PLCB4: variants seen among roughly 807,000 people sequenced by gnomAD.
PLCB4 encodes 1-phosphatidylinositol 4,5-bisphosphate phosphodiesterase beta-4.
A neutral mutation model predicts 178.8 loss-of-function variants in PLCB4; 77 were observed. That is an observed-to-expected ratio of 0.43 (90% CI 0.36 to 0.52). The LOEUF is 0.52. PLCB4 is among the 20% of genes least tolerant of loss of function. The probability of loss-of-function intolerance (pLI) is 0.00; values close to 1 mark genes in which losing one functional copy is unlikely to be tolerated. For synonymous variants in PLCB4, 496 were observed against 490.8 expected (o/e 1.01, Z -0.14); for missense variants, 1,024 against 1,453.4 (o/e 0.70, Z 4.80).
At chr20:9,372,184 A>C (rs2036305903) in intron 10 of PLCB4, 119 bp from the exon 11 acceptor site, 5 of 615,864 alleles carry the variant, frequency 8.1e-6, no homozygotes, top group Non-Finnish European at 1.2e-5. Context: ...TGTCAGCAGG[A>C]ATCAGAGATG....
intron 7 of PLCB4, among the ~76,000 whole-genome samples, chr20:9,354,155 G>A (rs2148179072): frequency 6.6e-6 from 1 of 152,236 alleles, no homozygotes; most frequent in Admixed American, 6.5e-5. Flanking sequence ...CTTTTATGTT[G>A]CCTGTAACTT....
intron 2 of PLCB4, among the ~76,000 whole-genome samples, chr20:9,194,657 C>T (rs1324398738): frequency 1.4e-5 from 2 of 139,026 alleles, no homozygotes; most frequent in Admixed American, 7.7e-5. Context: ...TGCGCCACTG[C>T]ACTCCAGCCT....
rs756444470 is a variant in PLCB4, at chr20:9,453,469, C to G, written c.2996+7C>G. 5.6e-6 allele frequency: 8 copies of G among 1,433,568 alleles called. No individual in the cohort carries two copies. Among genetic ancestry groups the G allele is most frequent in the Non-Finnish European group, 7.8e-6 (8 of 1,020,612 alleles). The allele number at this position is 1,433,568 out of a possible 1,614,324, so 88.8% of individuals were successfully genotyped here. A position where few individuals can be genotyped will look rare whatever the true frequency, so the allele number is the denominator to read the frequency against. The stretch of plus-strand genomic sequence containing the variant: ...AGGCAATGAAGAAGAAGGGGTAATA[C>G]TGTTTATTTCCTTCTGAAGACTTTC... On this transcript the variant is annotated splice_region_variant and intron_variant, in intron 33 of 39. Coordinates refer to ENST00000378473, the MANE Select transcript of PLCB4 (RefSeq NM_001377142.1).
intron 3 of PLCB4, among the ~76,000 whole-genome samples, chr20:9,264,370 A>G (rs1231800637): frequency 2.0e-5 from 3 of 152,212 alleles, no homozygotes; most frequent in Non-Finnish European, 4.4e-5. Flanking sequence ...TAGTAACCTG[A>G]TTGGAAAATC....
chr20:9,262,636 G>A (rs546516852), intron 3 of PLCB4, among the ~76,000 whole-genome samples: 2 of 152,170 alleles, frequency 1.3e-5, no homozygotes, highest in African/African-American at 4.8e-5. Flanking sequence ...ACTTGCAGAA[G>A]GTTACATGGT....
chr20:9,243,798 G>C (rs1336931011), intron 3 of PLCB4, among the ~76,000 whole-genome samples: 1 of 152,156 alleles, frequency 6.6e-6, no homozygotes, highest in Non-Finnish European at 1.5e-5. Context: ...CCTTTGGTTA[G>C]TTTGTGCCTC....
chr20:9,171,600 A>T (rs1425775753), intron 2 of PLCB4, among the ~76,000 whole-genome samples: 2 of 152,202 alleles, frequency 1.3e-5, no homozygotes, highest in Non-Finnish European at 1.5e-5. Context: ...TATTGCAAAC[A>T]CTTGCTACAG....
chr20:9,450,029 A>G (rs2042655974), intron 32 of PLCB4, among the ~76,000 whole-genome samples: 1 of 152,220 alleles, frequency 6.6e-6, no homozygotes, highest in Non-Finnish European at 1.5e-5. Flanking sequence ...GAATTGCAGC[A>G]GCAGTTTTCC....
chr20:9,200,402 A>T (rs1025603189), intron 2 of PLCB4, among the ~76,000 whole-genome samples: 1 of 152,118 alleles, frequency 6.6e-6, no homozygotes, highest in African/African-American at 2.4e-5. Flanking sequence ...GTCATCACTC[A>T]TTCAGACTCT....
chr20:9,164,860 C>T (rs995505722), intron 2 of PLCB4, among the ~76,000 whole-genome samples: 1 of 152,090 alleles, frequency 6.6e-6, no homozygotes, highest in African/African-American at 2.4e-5. Context: ...GGACTTGAGA[C>T]TGATGGAAAC....
At chr20:9,085,148 G>A (rs2090348478) in intron 1 of PLCB4, among the ~76,000 whole-genome samples, 1 of 151,888 alleles carries the variant, frequency 6.6e-6, no homozygotes. Flanking sequence ...TATTAGTTAG[G>A]TAATGCATAC....
At chr20:9,186,224 C>G (rs2093326601) in intron 2 of PLCB4, among the ~76,000 whole-genome samples, 1 of 152,158 alleles carries the variant, frequency 6.6e-6, no homozygotes, top group Non-Finnish European at 1.5e-5. Context: ...TAAAGCCATT[C>G]TTTTATGGTA....
chr20:9,211,962 C>T (rs1197774509), intron 2 of PLCB4, among the ~76,000 whole-genome samples: 2 of 152,156 alleles, frequency 1.3e-5, no homozygotes, highest in Non-Finnish European at 2.9e-5. Context: ...ATGCTATGGT[C>T]GATTGTAAAA....
intron 1 of PLCB4, among the ~76,000 whole-genome samples, chr20:9,094,025 G>T (rs1436030319): frequency 6.6e-6 from 1 of 152,004 alleles, no homozygotes; most frequent in Non-Finnish European, 1.5e-5. Flanking sequence ...CCAAATCTTT[G>T]CCATGAATAA....
At chr20:9,431,339 G>A (rs1339578632) in intron 28 of PLCB4, among the ~76,000 whole-genome samples, 1 of 151,962 alleles carries the variant, frequency 6.6e-6, no homozygotes, top group Admixed American at 6.6e-5. Context: ...TCTCATTTCA[G>A]TCCTCTTCTA....
At chr20:9,130,738 A>C (rs1349182504) in intron 2 of PLCB4, among the ~76,000 whole-genome samples, 1 of 152,208 alleles carries the variant, frequency 6.6e-6, no homozygotes, top group Non-Finnish European at 1.5e-5. Flanking sequence ...AACTGGAAAA[A>C]ATAAGCTTTT....
chr20:9,141,658 A>C (rs6056422), intron 2 of PLCB4, among the ~76,000 whole-genome samples: 2 of 152,126 alleles, frequency 1.3e-5, no homozygotes, highest in South Asian at 2.1e-4. Context: ...GTAAAGACAC[A>C]TACAAGTTGG....
At chr20:9,138,277 T>C (rs2092423099) in intron 2 of PLCB4, among the ~76,000 whole-genome samples, 1 of 152,084 alleles carries the variant, frequency 6.6e-6, no homozygotes, top group Admixed American at 6.6e-5. Flanking sequence ...AGAATGGTAA[T>C]CTGATTCTTA....
intron 1 of PLCB4, among the ~76,000 whole-genome samples, chr20:9,078,348 C>G (rs6140850): frequency 0.67 from 94,481 of 141,392 alleles, 29,564 homozygotes; most frequent in South Asian, 0.76. Context: ...ACCTTCTTTT[C>G]TTTTCTTCTC....
Sources: allele counts gnomAD v4.1 joint callset (sites outside exome capture counted in the v4.1 genomes callset), GRCh38; gene constraint gnomAD v4.1.1; transcripts MANE v1.5; gene names NCBI Gene and HGNC (gene_info 2026-07-23, HGNC 2026-07-21).